IQCM: variants seen among roughly 807,000 people sequenced by gnomAD.
The protein encoded by IQCM is IQ motif containing M.
A neutral mutation model predicts 57.6 loss-of-function variants in IQCM; 45 were observed. The observed-to-expected ratio is 0.78, with a 90% CI of 0.62 to 1.00. The LOEUF is 1.00. Ranked by LOEUF, IQCM falls within the 50% of genes least tolerant of loss-of-function variation. The probability of loss-of-function intolerance (pLI) is 0.00; values close to 1 mark genes in which losing one functional copy is unlikely to be tolerated. For synonymous variants in IQCM, 148 were observed against 158.9 expected (o/e 0.93, Z 0.51); for missense variants, 468 against 511.6 (o/e 0.91, Z 0.82).
intron 13 of IQCM, among the ~76,000 whole-genome samples, chr4:149,401,414 G>A (rs985666306): frequency 3.3e-5 from 5 of 151,670 alleles, no homozygotes; most frequent in African/African-American, 1.2e-4. Flanking sequence ...GAGAGAGAGA[G>A]GCAATCATTT....
At chr4:149,605,001 T>A (rs1264972683) in intron 8 of IQCM, among the ~76,000 whole-genome samples, 1 of 152,190 alleles carries the variant, frequency 6.6e-6, no homozygotes, top group Non-Finnish European at 1.5e-5. Flanking sequence ...GATTTCACAA[T>A]CACATATCTG....
At chr4:149,744,946 G>T (rs573082158) in intron 2 of IQCM, among the ~76,000 whole-genome samples, 1 of 152,282 alleles carries the variant, frequency 6.6e-6, no homozygotes, top group South Asian at 2.1e-4. Flanking sequence ...ATATAAATCC[G>T]TGAGTACTAT....
chr4:149,429,867 G>GA (rs909418640), intron 13 of IQCM: 8 of 601,052 alleles, frequency 1.3e-5, no homozygotes, highest in South Asian at 8.9e-5. Context: ...CAAAGAAAAA[G>GA]AAAAAAATCA....
intron 13 of IQCM, among the ~76,000 whole-genome samples, chr4:149,414,287 G>A (rs1733590664): frequency 1.3e-5 from 2 of 152,126 alleles, no homozygotes; most frequent in African/African-American, 4.8e-5. Context: ...AAAGTATGTG[G>A]TCAATTCTAC....
chr4:149,636,993 A>G (rs28742002), intron 7 of IQCM, among the ~76,000 whole-genome samples: 1 of 151,512 alleles, frequency 6.6e-6, no homozygotes, highest in Non-Finnish European at 1.5e-5. Context: ...AATACAAAAA[A>G]TTAGCCGGGC....
At chr4:149,352,859 C>G (rs548051171) in intron 13 of IQCM, among the ~76,000 whole-genome samples, 1 of 152,172 alleles carries the variant, frequency 6.6e-6, no homozygotes, top group South Asian at 2.1e-4. Flanking sequence ...ACTGTGGCCA[C>G]CATTATACAA....
chr4:149,699,941 G>A (rs1383109422), intron 5 of IQCM, among the ~76,000 whole-genome samples: 1 of 151,884 alleles, frequency 6.6e-6, no homozygotes, highest in African/African-American at 2.4e-5. Flanking sequence ...TCTCCCTGCA[G>A]CGGAGGAGGG....
chr4:149,433,362 T>G (rs1735048883), intron 13 of IQCM, 34 bp downstream of exon 13: 5 of 965,448 alleles, frequency 5.2e-6, no homozygotes, highest in Non-Finnish European at 5.4e-6. Context: ...TATCACTTCT[T>G]CTTTACAATA....
chr4:149,453,431 A>G (rs1372028487), intron 12 of IQCM, among the ~76,000 whole-genome samples: 2 of 151,886 alleles, frequency 1.3e-5, no homozygotes, highest in East Asian at 3.9e-4. Context: ...GGAAATGAAA[A>G]GACAACCCAT....
intron 8 of IQCM, among the ~76,000 whole-genome samples, chr4:149,603,708 A>G (rs990094778): frequency 2.0e-5 from 3 of 152,088 alleles, no homozygotes; most frequent in Non-Finnish European, 4.4e-5. Context: ...GATTTCAGAG[A>G]AGAGGAATAG....
chr4:149,416,204 CTCTT>C (rs1341542348), intron 13 of IQCM, among the ~76,000 whole-genome samples: 3 of 152,100 alleles, frequency 2.0e-5, no homozygotes, highest in Non-Finnish European at 2.9e-5. Flanking sequence ...ATCAATCTCT[CTCTT>C]TCTCTCTCTG....
chr4:149,653,672 C>T (rs1414403955), intron 7 of IQCM, among the ~76,000 whole-genome samples: 4 of 151,960 alleles, frequency 2.6e-5, no homozygotes, highest in African/African-American at 7.2e-5. Context: ...ATTTTTAAAT[C>T]GGATATCAAG....
intron 2 of IQCM, chr4:149,790,008 A>G: frequency 2.6e-6 from 1 of 379,118 alleles, no homozygotes; most frequent in Non-Finnish European, 5.1e-6. Flanking sequence ...AGTTTCCAAG[A>G]CACAGATCTG....
At chr4:149,576,387 T>C (rs1751656802) in intron 9 of IQCM, among the ~76,000 whole-genome samples, 1 of 151,838 alleles carries the variant, frequency 6.6e-6, no homozygotes, top group Admixed American at 6.6e-5. Flanking sequence ...TGATTTGCTT[T>C]TTTGTTATTA....
At chr4:149,621,501 T>TA (rs2150073999) in intron 7 of IQCM, among the ~76,000 whole-genome samples, 1 of 152,318 alleles carries the variant, frequency 6.6e-6, no homozygotes, top group East Asian at 1.9e-4. Flanking sequence ...ATCAGAAAAC[T>TA]ATAGGTTCAT....
At chr4:149,657,866 C>T (rs763482048) in intron 7 of IQCM, among the ~76,000 whole-genome samples, 8 of 151,378 alleles carry the variant, frequency 5.3e-5, no homozygotes, top group Non-Finnish European at 1.2e-4. Context: ...GATTTTTTTG[C>T]TGTTAAATTT....
chr4:149,512,997 A>T (rs1268983003), intron 12 of IQCM, among the ~76,000 whole-genome samples: 1 of 152,194 alleles, frequency 6.6e-6, no homozygotes, highest in East Asian at 1.9e-4. Context: ...CCTAGATGCC[A>T]TGCTCAGCTA....
At chr4:149,782,055 C>T in intron 2 of IQCM, among the ~76,000 whole-genome samples, 1 of 152,130 alleles carries the variant, frequency 6.6e-6, no homozygotes, top group East Asian at 1.9e-4. Flanking sequence ...ACAGCCCTAA[C>T]ACTTATTTGC....
rs962136355 is a variant in IQCM, at chr4:149,351,790, A to C, written c.*161T>G. The C allele has an allele frequency of 2.6e-6, 1 of 387,396 alleles. No homozygotes were observed. The highest frequency in any genetic ancestry group is 2.1e-5 in the African/African-American group (1 of 48,002). The allele number at this position is 387,396 out of a possible 1,614,324, so 24.0% of individuals were successfully genotyped here. On this transcript the variant is annotated 3_prime_UTR_variant, in exon 14 of 14. Transcript: ENST00000636793. ...GAGATCAAATGAATGGTGTTCATCCAAAAATACTAGAAATTATAGATAAAC... is the reference window on the plus strand; with the variant it reads ...GAGATCAAATGAATGGTGTTCATCCCAAAATACTAGAAATTATAGATAAAC...
Sources: allele counts gnomAD v4.1 joint callset (sites outside exome capture counted in the v4.1 genomes callset), GRCh38; gene constraint gnomAD v4.1.1; transcripts MANE v1.5; gene names NCBI Gene and HGNC (gene_info 2026-07-23, HGNC 2026-07-21).